The following KCTD16 variants were observed in gnomAD, a reference collection of about 807,000 sequenced individuals.
KCTD16 encodes the protein potassium channel tetramerization domain containing 16, also known as BTB/POZ domain-containing protein KCTD16.
In KCTD16, 13 loss-of-function variants were observed where a neutral mutation model predicts 33.2. The ratio of observed to expected loss-of-function variants is 0.39; its 90% confidence interval spans 0.25 to 0.62. The LOEUF is 0.62. Ranked by LOEUF, KCTD16 falls within the 20% of genes least tolerant of loss-of-function variation. The pLI is 0.50. For missense variants in KCTD16, 441 were observed against 525.1 expected (o/e 0.84, Z 1.57); for synonymous variants, 197 against 195.3 (o/e 1.01, Z -0.07).
intron 3 of KCTD16, among the ~76,000 whole-genome samples, chr5:144,465,222 T>C (rs1754300975): frequency 7.1e-6 from 1 of 140,106 alleles, no homozygotes; most frequent in African/African-American, 2.7e-5. Context: ...TCTCTTTCTC[T>C]CTCTCGCCTT....
chr5:144,271,109 T>G (rs1022477028), intron 3 of KCTD16, among the ~76,000 whole-genome samples: 2 of 152,024 alleles, frequency 1.3e-5, no homozygotes, highest in African/African-American at 2.4e-5. Flanking sequence ...AAACGCCAGT[T>G]CTTCTCAAAC....
intron 3 of KCTD16, among the ~76,000 whole-genome samples, chr5:144,388,324 G>A (rs913127652): frequency 2.0e-5 from 3 of 151,748 alleles, no homozygotes; most frequent in African/African-American, 7.3e-5. Context: ...CTCGTGATCC[G>A]CCCACCTCGG....
chr5:144,193,806 A>G (rs6876629), intron 2 of KCTD16, among the ~76,000 whole-genome samples: 68,837 of 151,920 alleles, frequency 0.45, 16,518 homozygotes, highest in African/African-American at 0.62. Context: ...AAGAGAAGAG[A>G]TATCTGAAAG....
chr5:144,322,432 A>G (rs886783365), intron 3 of KCTD16, among the ~76,000 whole-genome samples: 5 of 152,130 alleles, frequency 3.3e-5, no homozygotes, highest in African/African-American at 1.2e-4. Flanking sequence ...ATATGTACTG[A>G]GAATGGGGGT....
At chr5:144,201,524 A>G (rs1753044967) in intron 2 of KCTD16, among the ~76,000 whole-genome samples, 1 of 152,244 alleles carries the variant, frequency 6.6e-6, no homozygotes, top group Non-Finnish European at 1.5e-5. Context: ...ACTAGCATGA[A>G]CACTAATGAC....
At chr5:144,460,220 A>G (rs944201654) in intron 3 of KCTD16, among the ~76,000 whole-genome samples, 1 of 152,134 alleles carries the variant, frequency 6.6e-6, no homozygotes, top group African/African-American at 2.4e-5. Context: ...TTGTGTTTCT[A>G]CCACAGGATC....
At chr5:144,448,521 C>T (rs536485592) in intron 3 of KCTD16, among the ~76,000 whole-genome samples, 4 of 152,112 alleles carry the variant, frequency 2.6e-5, no homozygotes, top group South Asian at 4.1e-4. Flanking sequence ...GATTTATATT[C>T]GTAACACTGA....
intron 3 of KCTD16, among the ~76,000 whole-genome samples, chr5:144,417,624 T>C (rs972861829): frequency 2.0e-5 from 3 of 151,522 alleles, no homozygotes; most frequent in African/African-American, 7.2e-5. Flanking sequence ...GAGATACAAT[T>C]TATTTTTATT....
chr5:144,466,173 C>G (rs1315894562), intron 3 of KCTD16, among the ~76,000 whole-genome samples: 1 of 151,040 alleles, frequency 6.6e-6, no homozygotes, highest in East Asian at 1.9e-4. Context: ...ATATCACATA[C>G]TGATTGGTTG....
chr5:144,216,797 T>G (rs1242416080), intron 3 of KCTD16, among the ~76,000 whole-genome samples: 1 of 147,584 alleles, frequency 6.8e-6, no homozygotes, highest in Non-Finnish European at 1.5e-5. Flanking sequence ...TGAGCCGTCA[T>G]CACGCCACTG....
intron 3 of KCTD16, among the ~76,000 whole-genome samples, chr5:144,209,682 G>C (rs1184482986): frequency 1.3e-5 from 2 of 151,330 alleles, no homozygotes; most frequent in East Asian, 1.9e-4. Context: ...TGTTGTGCTC[G>C]GGTTAATGGG....
chr5:144,253,990 G>A (rs1416847070), intron 3 of KCTD16, among the ~76,000 whole-genome samples: 2 of 152,110 alleles, frequency 1.3e-5, no homozygotes, highest in South Asian at 2.1e-4. Flanking sequence ...GTTGACTCCC[G>A]CATGGGACTT....
At chr5:144,442,703 T>C (rs1264749300) in intron 3 of KCTD16, among the ~76,000 whole-genome samples, 1 of 151,992 alleles carries the variant, frequency 6.6e-6, no homozygotes, top group Non-Finnish European at 1.5e-5. Context: ...CCATTGTTTT[T>C]GACAACACTC....
chr5:144,427,683 G>T (rs1427668343), intron 3 of KCTD16, among the ~76,000 whole-genome samples: 1 of 152,046 alleles, frequency 6.6e-6, no homozygotes, highest in Non-Finnish European at 1.5e-5. Flanking sequence ...GATTTAATTG[G>T]TATGGAGTAC....
At chr5:144,303,086 C>T (rs1751488539) in intron 3 of KCTD16, among the ~76,000 whole-genome samples, 1 of 152,186 alleles carries the variant, frequency 6.6e-6, no homozygotes, top group Admixed American at 6.5e-5. Context: ...ATTATTAGAG[C>T]GTTAGTGCCT....
At chr5:144,270,110 CA>C (rs1365431644) in intron 3 of KCTD16, among the ~76,000 whole-genome samples, 1 of 151,566 alleles carries the variant, frequency 6.6e-6, no homozygotes, top group Non-Finnish European at 1.5e-5. Flanking sequence ...AAATAAATAG[CA>C]AAATGACAGA....
chr5:144,299,072 A>ATATATATATATATATTTTT (rs1491103244), intron 3 of KCTD16, among the ~76,000 whole-genome samples: 1 of 57,432 alleles, frequency 1.7e-5, no homozygotes, highest in Non-Finnish European at 3.4e-5. Flanking sequence ...ATATATATAT[A>ATATATATATATATATTTTT]TTTTTGTATA....
chr5:144,325,899 T>G (rs1251941533), intron 3 of KCTD16, among the ~76,000 whole-genome samples: 3 of 152,176 alleles, frequency 2.0e-5, no homozygotes, highest in Admixed American at 6.6e-5. Context: ...TAATAAAACC[T>G]GTTCAATTAG....
At chr5:144,280,207 C>T (rs1755560072) in intron 3 of KCTD16, among the ~76,000 whole-genome samples, 1 of 152,084 alleles carries the variant, frequency 6.6e-6, no homozygotes, top group African/African-American at 2.4e-5. Context: ...GTATTCCCTC[C>T]TTTCCTATTT....
Sources: allele counts gnomAD v4.1 joint callset (sites outside exome capture counted in the v4.1 genomes callset), GRCh38; gene constraint gnomAD v4.1.1; transcripts MANE v1.5; gene names NCBI Gene and HGNC (gene_info 2026-07-23, HGNC 2026-07-21).